MEOX1: variants seen among roughly 807,000 people sequenced by gnomAD.
MEOX1 encodes mesenchyme homeobox 1, also known as homeobox protein MOX-1.
MEOX1 carries 17 observed loss-of-function variants against 23.2 expected under a neutral mutation model. That is an observed-to-expected ratio of 0.73 (90% CI 0.50 to 1.10). The LOEUF is 1.10. Among genes scored for constraint, MEOX1 ranks in the 50% least tolerant of loss-of-function variants. The probability of loss-of-function intolerance (pLI) is 0.00; values close to 1 mark genes in which losing one functional copy is unlikely to be tolerated. For missense variants in MEOX1, 333 were observed against 332.2 expected (o/e 1.00, Z -0.02); for synonymous variants, 134 against 135.1 (o/e 0.99, Z 0.06).
In MEOX1 at chr17:43,661,397, G is replaced by A. The variant is rs1325333080; in HGVS notation, c.138C>T (p.His46=). 2.5e-6 allele frequency: 4 copies of A among 1,612,728 alleles called. No homozygotes were observed. In the African/African-American group the frequency reaches 5.3e-5, roughly 22 times the overall value. The part of the protein sequence containing the change: ...PHYPPTPFSF[H]QKPDFLATAT... Reference sequence around the variant, plus strand: ...CTGTCGCCAGGAAGTCTGGTTTCTGGTGGAAGGAGAACGGGGTGGGCGGGT... The same window carrying A: ...CTGTCGCCAGGAAGTCTGGTTTCTGATGGAAGGAGAACGGGGTGGGCGGGT... Residue 46 remains histidine (H), a synonymous_variant, in exon 1 of 3, where the codon CAC becomes CAT. Transcript: ENST00000318579.
At chr17:43,649,881 C>T (rs147598420) in intron 1 of MEOX1, among the ~76,000 whole-genome samples, 2 of 152,332 alleles carry the variant, frequency 1.3e-5, no homozygotes, top group African/African-American at 4.8e-5. Context: ...AAACGGTGTG[C>T]ATGTGATTGC....
At chr17:43,653,350 G>C (rs1302143451) in intron 1 of MEOX1, among the ~76,000 whole-genome samples, 2 of 150,556 alleles carry the variant, frequency 1.3e-5, no homozygotes, top group East Asian at 3.9e-4. Flanking sequence ...ATGTTGGTCA[G>C]GCTGGTCTCA....
rs763106227 is a variant in MEOX1 at position 43,643,681 on chromosome 17, A to T, written c.470-21T>A. 13 of 1,606,556 alleles carry T rather than the reference A, an allele frequency of 8.1e-6. No individual in the cohort carries two copies. The African/African-American group carries it at 1.7e-4, about 21-fold the overall frequency. On this transcript the variant is annotated intron_variant, in intron 1 of 2. Transcript: ENST00000318579. The stretch of plus-strand genomic sequence containing the variant: ...GTTGTCTGGGGAGAGAGGACCCCAA[A>T]CAGGAAGACATGGGCTGAGGGAGAC...
chr17:43,660,536 G>A (rs1315908515), intron 1 of MEOX1, among the ~76,000 whole-genome samples: 1 of 152,182 alleles, frequency 6.6e-6, no homozygotes, highest in Non-Finnish European at 1.5e-5. Context: ...TCCCATCCCA[G>A]CCGCAGGCCT....
rs1279020717 is a variant in MEOX1 at position 43,657,168 on chromosome 17, TTC to T, written c.469+3896_469+3897del. ...TTTCTCTCTCTCTTTCTTTCTTTCT[TTC>T]TTTTTTTTTTTTTTTTTTGATGTAG... On this transcript the variant is annotated intron_variant, in intron 1 of 2. Coordinates refer to ENST00000318579, the MANE Select transcript of MEOX1 (RefSeq NM_004527.4). Among the ~76,000 whole-genome samples, 7 of 49,740 alleles carry T rather than the reference TTC, an allele frequency of 1.4e-4. 1 individual carries two copies. The highest frequency in any genetic ancestry group is 5.3e-4 in the East Asian group (1 of 1,904). The allele number at this position is 49,740 out of a possible 152,430, so 32.6% of individuals were successfully genotyped here.
At chr17:43,645,930 C>T (rs1302449377) in intron 1 of MEOX1, among the ~76,000 whole-genome samples, 1 of 152,254 alleles carries the variant, frequency 6.6e-6, no homozygotes, top group Non-Finnish European at 1.5e-5. Context: ...GATTTGGGCG[C>T]CTGGCCCACC....
intron 1 of MEOX1, among the ~76,000 whole-genome samples, chr17:43,659,103 G>A (rs1225229218): frequency 6.6e-6 from 1 of 152,186 alleles, no homozygotes; most frequent in Non-Finnish European, 1.5e-5. Flanking sequence ...GGTGCATTTG[G>A]GTTTTGCTGA....
intron 1 of MEOX1, among the ~76,000 whole-genome samples, chr17:43,657,251 C>A (rs1162316899): frequency 6.8e-6 from 1 of 146,530 alleles, no homozygotes; most frequent in Admixed American, 7.0e-5. Flanking sequence ...CTGCTCACTG[C>A]AATCTCCACC....
Position 43,650,437 on chromosome 17 carries a change from G to A in MEOX1, c.470-6777C>T, listed in dbSNP as rs370795580. ...AGGTAGGTAAGGTACACATTAGCCC[G>A]TTGAACATATGAGCAATTAAGATCC... is the stretch of plus-strand genomic sequence containing the variant. On this transcript the variant is annotated intron_variant, in intron 1 of 2. Transcript: ENST00000318579. Among the ~76,000 whole-genome samples the A allele has an allele frequency of 1.3e-4, 20 of 152,264 alleles. No homozygotes were observed. The East Asian group carries it at 3.9e-3, about 29-fold the overall frequency.
chr17:43,659,041 G>A (rs1046516645), intron 1 of MEOX1, among the ~76,000 whole-genome samples: 2 of 152,222 alleles, frequency 1.3e-5, no homozygotes, highest in Non-Finnish European at 2.9e-5. Context: ...TGCTTAGTGT[G>A]AATGGTCTCT....
At chr17:43,658,506 CAAA>C (rs56142635) in intron 1 of MEOX1, among the ~76,000 whole-genome samples, 22 of 108,554 alleles carry the variant, frequency 2.0e-4, no homozygotes, top group Admixed American at 7.8e-4. Flanking sequence ...GACTCCATCT[CAAA>C]AAAAAAAAAA....
chr17:43,643,756 T>C lies in MEOX1; in HGVS notation c.470-96A>G, dbSNP rs548758956. ...AGCAACTAGGCAGTCTTTACCAGTCTCCCTTATTTTTACAGGATGCTGAGA... is the reference window on the plus strand; with the variant it reads ...AGCAACTAGGCAGTCTTTACCAGTCCCCCTTATTTTTACAGGATGCTGAGA... On this transcript the variant is annotated intron_variant, in intron 1 of 2. Coordinates refer to ENST00000318579, the MANE Select transcript of MEOX1 (RefSeq NM_004527.4). 6.7e-6 allele frequency: 6 copies of C among 893,854 alleles called. No homozygotes were observed. The South Asian group carries it at 1.3e-4, about 19-fold the overall frequency. 55.4% of individuals were successfully genotyped at this position (893,854 alleles called of 1,614,324 possible).
At chr17:43,645,180 T>A (rs1262273129) in intron 1 of MEOX1, among the ~76,000 whole-genome samples, 24 of 142,638 alleles carry the variant, frequency 1.7e-4, no homozygotes, top group African/African-American at 6.0e-4. Flanking sequence ...TCTTTTTTTT[T>A]TTTTTTTTTT....
chr17:43,659,077 C>T (rs879763127), intron 1 of MEOX1, among the ~76,000 whole-genome samples: 1 of 152,196 alleles, frequency 6.6e-6, no homozygotes, highest in Non-Finnish European at 1.5e-5. Flanking sequence ...ATCGGCCACT[C>T]GCCAAAAAGA....
intron 1 of MEOX1, among the ~76,000 whole-genome samples, chr17:43,645,290 C>A (rs1378503245): frequency 3.3e-5 from 5 of 150,980 alleles, no homozygotes; most frequent in Non-Finnish European, 7.4e-5. Context: ...CATTCTCCTG[C>A]CTCCGCCTCC....
chr17:43,653,163 G>A (rs888869531), intron 1 of MEOX1, among the ~76,000 whole-genome samples: 8 of 131,698 alleles, frequency 6.1e-5, no homozygotes, highest in Non-Finnish European at 3.2e-5. Flanking sequence ...TTTTTGAGAC[G>A]GAATCTCACT....
chr17:43,649,290 CTTTTTTT>C (rs10694288), intron 1 of MEOX1, among the ~76,000 whole-genome samples: 1 of 86,228 alleles, frequency 1.2e-5, no homozygotes, highest in South Asian at 4.9e-4. Context: ...GGCCTTTCAG[CTTTTTTT>C]TTTTTTTTTT....
intron 1 of MEOX1, among the ~76,000 whole-genome samples, chr17:43,660,705 A>G (rs571072968): frequency 6.6e-5 from 10 of 152,266 alleles, no homozygotes; most frequent in African/African-American, 2.4e-4. Context: ...TGGCCAAAGC[A>G]TGGTGGGGAG....
intron 1 of MEOX1, among the ~76,000 whole-genome samples, chr17:43,648,240 C>G (rs576851638): frequency 6.6e-6 from 1 of 152,006 alleles, no homozygotes; most frequent in Non-Finnish European, 1.5e-5. Flanking sequence ...GAGGCCGAGG[C>G]GGGCGGATCA....
Sources: allele counts gnomAD v4.1 joint callset (sites outside exome capture counted in the v4.1 genomes callset), GRCh38; gene constraint gnomAD v4.1.1; transcripts MANE v1.5; gene names NCBI Gene and HGNC (gene_info 2026-07-23, HGNC 2026-07-21).